Variants in CCKBR observed in about 807,000 individuals in gnomAD.
The protein encoded by CCKBR is cholecystokinin B receptor.
In CCKBR, 33 loss-of-function variants were observed where a neutral mutation model predicts 34.6. That is an observed-to-expected ratio of 0.95 (90% CI 0.72 to 1.27). The LOEUF (loss-of-function observed/expected upper bound fraction) is 1.27, where lower values mean the gene tolerates loss of function less well. CCKBR is among the 50% of genes most tolerant of loss of function. The pLI is 0.00. For missense variants in CCKBR, 652 were observed against 617.4 expected (o/e 1.06, Z -0.59); for synonymous variants, 269 against 267.5 (o/e 1.01, Z -0.06).
chr11:6,260,104 C>CT lies in CCKBR; in HGVS notation c.151+25_151+26insT, dbSNP rs551215802. 3.3e-3 allele frequency: 5,217 copies of CT among 1,567,464 alleles called. 8 individuals are homozygous for CT. Among genetic ancestry groups the CT allele is most frequent in the Non-Finnish European group, 4.1e-3 (4,772 of 1,161,822 alleles). ...GGTGGGTGCCTCCCTCAGCCCCCCC[C>CT]ACAAGCTATTTCTCACTGTACCCCA... On this transcript the variant is annotated intron_variant, in intron 1 of 4. Transcript: ENST00000334619.
chr11:6,261,454 A>AAAAAAAAAAATATATAT (rs1447691939), intron 1 of CCKBR, among the ~76,000 whole-genome samples: 3 of 60,894 alleles, frequency 4.9e-5, no homozygotes, highest in African/African-American at 1.3e-4. Flanking sequence ...AAAAAAAAAA[A>AAAAAAAAAAATATATAT]ATATATATAC....
At chr11:6,267,493 A>G (rs1375337473) in intron 1 of CCKBR, among the ~76,000 whole-genome samples, 1 of 152,218 alleles carries the variant, frequency 6.6e-6, no homozygotes, top group African/African-American at 2.4e-5. Flanking sequence ...CCACACATGG[A>G]GCTGTCATCT....
chr11:6,269,584 G>A lies in CCKBR; in HGVS notation c.152-85G>A, dbSNP rs56014134. The A allele has an allele frequency of 3.4e-3, 5,163 of 1,498,880 alleles. 14 individuals are homozygous for A. The highest frequency in any genetic ancestry group is 3.7e-3 in the Non-Finnish European group (4,112 of 1,100,272). The allele number at this position is 1,498,880 out of a possible 1,614,324, so 92.8% of individuals were successfully genotyped here. A position where few individuals can be genotyped will look rare whatever the true frequency, so the allele number is the denominator to read the frequency against. On this transcript the variant is annotated intron_variant, in intron 1 of 4. Transcript: ENST00000334619. Reference sequence around the variant, plus strand: ...GAATGTAGGCATCTGGCTGGGTAGTGAGGGTTGGGGATAAGACGGAAGGAG... The same window carrying A: ...GAATGTAGGCATCTGGCTGGGTAGTAAGGGTTGGGGATAAGACGGAAGGAG...
rs201769877 is a variant in CCKBR, at chr11:6,270,222, C to G, written c.538C>G (p.Leu180Val). Residue 180 changes from leucine (L) to valine (V), a missense_variant, in exon 3 of 5, where the codon CTG becomes GTG. By Grantham distance (32) the Leu-to-Val change is conservative. Coordinates refer to ENST00000334619, the MANE Select transcript of CCKBR (RefSeq NM_176875.4). ...GGCTCGCGTGATTGTAGCCACGTGG[C>G]TGCTGTCCGGACTACTCATGGTGCC... ...HAARVIVATW[L>V]LSGLLMVPYP... 8 of 1,613,310 alleles carry G rather than the reference C, an allele frequency of 5.0e-6. No individual in the cohort carries two copies. In the Admixed American group the frequency reaches 1.3e-4, roughly 27 times the overall value.
chr11:6,270,447 T>A, intron 3 of CCKBR, 110 bp downstream of exon 3: 4 of 1,451,074 alleles, frequency 2.8e-6, no homozygotes, highest in Non-Finnish European at 3.7e-6. Context: ...CCACGCCAAC[T>A]CCTATTCTGC....
At chr11:6,270,917 A>G in intron 4 of CCKBR, 94 bp from the exon 5 acceptor site, 2 of 1,611,790 alleles carry the variant, frequency 1.2e-6, no homozygotes, top group Non-Finnish European at 1.7e-6. Context: ...GAAGCTGGAA[A>G]TGGAGTTGAG....
intron 1 of CCKBR, among the ~76,000 whole-genome samples, chr11:6,261,764 AT>A (rs1848137318): frequency 6.6e-6 from 1 of 152,216 alleles, no homozygotes; most frequent in Non-Finnish European, 1.5e-5. Flanking sequence ...CTACTAAAAG[AT>A]TCGGTAGTAC....
chr11:6,270,472 A>G, intron 3 of CCKBR, 135 bp downstream of exon 3: 1 of 1,409,554 alleles, frequency 7.1e-7, no homozygotes, highest in Non-Finnish European at 9.6e-7. Flanking sequence ...ACCACCCTGG[A>G]GTTCCAGTTT....
intron 1 of CCKBR, 60 bp from the exon 2 acceptor site, chr11:6,269,608 AG>A (rs1848260534): frequency 6.3e-6 from 10 of 1,579,624 alleles, no homozygotes; most frequent in African/African-American, 1.3e-5. Context: ...AGACGGAAGG[AG>A]GGGGATTTGA....
Position 6,269,906 on chromosome 11 carries a change from T to A in CCKBR, c.389T>A (p.Val130Asp), listed in dbSNP as rs773163565. Residue 130 changes from valine to aspartate, a missense_variant, in exon 2 of 5, where the codon GTT becomes GAT. Coordinates refer to ENST00000334619, the MANE Select transcript of CCKBR (RefSeq NM_176875.4). Reference protein sequence around the residue: ...FIFGTVICKAVSYLMGVSVSV... With the variant: ...FIFGTVICKADSYLMGVSVSV... ...TTTGGCACCGTCATCTGCAAGGCGG[T>A]TTCCTACCTCATGGGTGGGTGAGAC... 2 of 1,613,966 alleles carry A rather than the reference T, an allele frequency of 1.2e-6. No homozygotes were observed. The highest frequency in any genetic ancestry group is 1.7e-6 in the Non-Finnish European group (2 of 1,179,966).
Position 6,260,011 on chromosome 11 carries a change from T to C in CCKBR, c.83T>C (p.Leu28Pro), listed in dbSNP as rs1259011415. The change falls in exon 1 of 5, where the codon CTC becomes CCC. Residue 28 changes from leucine to proline, a missense_variant. Coordinates refer to ENST00000334619, the MANE Select transcript of CCKBR (RefSeq NM_176875.4). ...GASLCRPGAP[L>P]LNSSSVGNLS... ...TCCCTGTGCCGCCCGGGGGCGCCTC[T>C]CCTCAACAGCAGCAGTGTGGGCAAC... 1.3e-6 allele frequency: 2 copies of C among 1,591,408 alleles called. No homozygotes were observed. Among genetic ancestry groups the C allele is most frequent in the East Asian group, 2.4e-5 (1 of 42,016 alleles).
At position 6,271,247 on chromosome 11, in the gene CCKBR, T is replaced by G; in HGVS notation, c.1048T>G (p.Tyr350Asp). 6.2e-7 allele frequency: 1 copy of G among 1,614,200 alleles called. No homozygotes were observed. The highest frequency in any genetic ancestry group is 8.5e-7 in the Non-Finnish European group (1 of 1,180,020). Residue 350 changes from tyrosine to aspartate, a missense_variant, in exon 5 of 5, where the codon TAT (tyrosine) becomes GAT (aspartate). Physicochemically the swap from Tyr to Asp is radical, Grantham distance 160. Coordinates refer to ENST00000334619, the MANE Select transcript of CCKBR (RefSeq NM_176875.4). ...VLFFLCWLPV[Y>D]SANTWRAFDG... ...TTTTTTTCTGTGTTGGTTGCCAGTT[T>G]ATAGTGCCAACACGTGGCGCGCCTT...
Position 6,271,224 on chromosome 11 carries a change from T to A in CCKBR, c.1025T>A (p.Phe342Tyr). 6.2e-7 allele frequency: 1 copy of A among 1,614,176 alleles called. No individual in the cohort carries two copies. Among genetic ancestry groups the A allele is most frequent in the Non-Finnish European group, 8.5e-7 (1 of 1,180,028 alleles). Residue 342 changes from phenylalanine to tyrosine, a missense_variant, in exon 5 of 5, where the codon TTT becomes TAT. Coordinates refer to ENST00000334619, the MANE Select transcript of CCKBR (RefSeq NM_176875.4). The part of the protein sequence containing the change: ...VRMLLVIVVL[F>Y]FLCWLPVYSA... ...ATGTTGCTGGTGATCGTTGTGCTTT[T>A]TTTTCTGTGTTGGTTGCCAGTTTAT...
At chr11:6,265,717 G>A (rs914649785) in intron 1 of CCKBR, among the ~76,000 whole-genome samples, 1 of 152,134 alleles carries the variant, frequency 6.6e-6, no homozygotes. Context: ...TCACCTATAA[G>A]CCTTCTGTAA....
intron 4 of CCKBR, 72 bp downstream of exon 4, chr11:6,270,875 G>A: frequency 6.2e-7 from 1 of 1,612,260 alleles, no homozygotes; most frequent in South Asian, 1.1e-5. Flanking sequence ...TGCTGGAGTG[G>A]GTGGGACTGA....
chr11:6,269,383 C>A (rs1273462193), intron 1 of CCKBR, among the ~76,000 whole-genome samples: 2 of 152,010 alleles, frequency 1.3e-5, no homozygotes, highest in African/African-American at 4.8e-5. Flanking sequence ...AATGAGAAGA[C>A]ACAAATATCC....
chr11:6,270,858 C>A lies in CCKBR; in HGVS notation c.811+55C>A, dbSNP rs768606018. 4 of 1,612,906 alleles carry A rather than the reference C, an allele frequency of 2.5e-6. No homozygotes were observed. The East Asian group carries it at 6.7e-5, about 27-fold the overall frequency. ...GGCGAGGCGGAGCTTTGGAGGGCGA[C>A]GGGGCCTGCTGGAGTGGGTGGGACT... On this transcript the variant is annotated intron_variant, in intron 4 of 4. Transcript: ENST00000334619.
chr11:6,264,777 A>C (rs1848187269), intron 1 of CCKBR: 2 of 475,580 alleles, frequency 4.2e-6, no homozygotes, highest in Non-Finnish European at 7.4e-6. Flanking sequence ...TATTTTGTGC[A>C]TGACTTTTTA....
At position 6,271,426 on chromosome 11, in the gene CCKBR, C is replaced by T. The variant is rs200837612; in HGVS notation, c.1227C>T (p.Cys409=). The T allele has an allele frequency of 5.6e-6, 9 of 1,613,276 alleles. No individual in the cohort carries two copies. The highest frequency in any genetic ancestry group is 4.5e-5 in the East Asian group (2 of 44,872). The stretch of plus-strand genomic sequence containing the variant: ...GCCTGGAAACTTGCGCTCGCTGCTG[C>T]CCCCGGCCTCCACGAGCTCGCCCCA... The part of the protein sequence containing the change: ...QACLETCARC[C]PRPPRARPRA... Residue 409 remains cysteine, a synonymous_variant, in exon 5 of 5, where the codon TGC becomes TGT. Transcript: ENST00000334619.
Sources: allele counts gnomAD v4.1 joint callset (sites outside exome capture counted in the v4.1 genomes callset), GRCh38; gene constraint gnomAD v4.1.1; transcripts MANE v1.5; gene names NCBI Gene and HGNC (gene_info 2026-07-23, HGNC 2026-07-21).